Variants in HS3ST5 observed in about 807,000 individuals in gnomAD.
The protein encoded by HS3ST5 is heparan sulfate glucosamine 3-O-sulfotransferase 5.
HS3ST5 carries 10 observed loss-of-function variants against 25.4 expected under a neutral mutation model. That is an observed-to-expected ratio of 0.39 (90% confidence interval 0.24 to 0.67). The LOEUF is 0.67. Ranked by LOEUF, HS3ST5 falls within the 30% of genes least tolerant of loss-of-function variation. The pLI is 0.44. For missense variants in HS3ST5, 324 were observed against 420.7 expected (o/e 0.77, Z 2.01); for synonymous variants, 170 against 162.4 (o/e 1.05, Z -0.36).
intron 1 of HS3ST5, among the ~76,000 whole-genome samples, chr6:114,292,942 T>G (rs1167513716): frequency 6.6e-6 from 1 of 152,180 alleles, no homozygotes; most frequent in African/African-American, 2.4e-5. Flanking sequence ...TTTTTGTTTT[T>G]TTTTTTCCCA....
chr6:114,286,046 A>G (rs895907456), intron 1 of HS3ST5, among the ~76,000 whole-genome samples: 1 of 151,986 alleles, frequency 6.6e-6, no homozygotes, highest in Admixed American at 6.6e-5. Context: ...GTCTAATGCC[A>G]TAATCTCTAG....
intron 3 of HS3ST5, among the ~76,000 whole-genome samples, chr6:114,159,656 T>C (rs961826476): frequency 2.0e-4 from 30 of 152,154 alleles, no homozygotes; most frequent in East Asian, 1.9e-4. Context: ...CTTGTGAAAA[T>C]CCAGTGAGCT....
chr6:114,090,810 C>G (rs527481392), intron 3 of HS3ST5, among the ~76,000 whole-genome samples: 4 of 152,308 alleles, frequency 2.6e-5, no homozygotes, highest in Middle Eastern at 3.4e-3. Flanking sequence ...ATGAAGTTAT[C>G]TTGCTAATTA....
At chr6:114,330,871 T>C (rs1387057809) in intron 1 of HS3ST5, among the ~76,000 whole-genome samples, 1 of 152,124 alleles carries the variant, frequency 6.6e-6, no homozygotes, top group Admixed American at 6.5e-5. Flanking sequence ...GAAGGGGTCT[T>C]CCCAAACAGT....
At chr6:114,339,193 C>G (rs542953173) in intron 1 of HS3ST5, among the ~76,000 whole-genome samples, 4 of 152,224 alleles carry the variant, frequency 2.6e-5, no homozygotes, top group African/African-American at 9.6e-5. Context: ...TTTCAATGTT[C>G]AAACACAACT....
intron 3 of HS3ST5, among the ~76,000 whole-genome samples, chr6:114,076,563 A>G (rs1018947218): frequency 9.2e-5 from 14 of 152,252 alleles, no homozygotes; most frequent in African/African-American, 3.1e-4. Context: ...CTTAGAAAAG[A>G]TACCGATCTT....
chr6:114,306,923 T>G (rs1775321332), intron 1 of HS3ST5, among the ~76,000 whole-genome samples: 1 of 152,220 alleles, frequency 6.6e-6, no homozygotes, highest in Admixed American at 6.5e-5. Flanking sequence ...TTTCAACATC[T>G]ATTTCTCCTG....
At chr6:114,229,523 G>T (rs1205439229) in intron 1 of HS3ST5, among the ~76,000 whole-genome samples, 3 of 152,032 alleles carry the variant, frequency 2.0e-5, no homozygotes, top group African/African-American at 4.8e-5. Flanking sequence ...CTCAGAGAAG[G>T]TTCTATTGCT....
chr6:114,315,810 T>G (rs1775723570), intron 1 of HS3ST5, among the ~76,000 whole-genome samples: 1 of 152,212 alleles, frequency 6.6e-6, no homozygotes, highest in South Asian at 2.1e-4. Flanking sequence ...ATTTTTTTTC[T>G]TATCTGCACT....
Position 114,333,402 on chromosome 6 carries a change from G to A in HS3ST5, c.-339+8793C>T, listed in dbSNP as rs566759818. ...GAGGTAACCTTAAAAAAGTAATGGT[G>A]TATAAAAATTTTCAAGCACTTGATC... On this transcript the variant is annotated intron_variant, in intron 1 of 4. Transcript: ENST00000312719. Among the ~76,000 whole-genome samples the A allele has an allele frequency of 1.3e-4, 20 of 152,230 alleles. No individual in the cohort carries two copies. In the South Asian group the frequency reaches 4.1e-3, roughly 32 times the overall value.
intron 1 of HS3ST5, among the ~76,000 whole-genome samples, chr6:114,308,683 T>C (rs560540542): frequency 6.6e-6 from 1 of 152,262 alleles, no homozygotes; most frequent in East Asian, 1.9e-4. Flanking sequence ...GACATAGACC[T>C]GTAGCTCATG....
rs1773337383 is a variant in HS3ST5, at chr6:114,064,570, C to T, written c.-32-1693G>A. 2.6e-5 allele frequency among the ~76,000 whole-genome samples: 4 copies of T among 152,266 alleles called. No homozygotes were observed. In the South Asian group the frequency reaches 8.3e-4, roughly 32 times the overall value. On this transcript the variant is annotated intron_variant, in intron 3 of 4. Transcript: ENST00000312719. Reference sequence around the variant, plus strand: ...AGGGAGAGATAAGACCAGCAGTCATCCAACACACAGTTGACAAATACTTAT... The same window carrying T: ...AGGGAGAGATAAGACCAGCAGTCATTCAACACACAGTTGACAAATACTTAT...
chr6:114,210,399 G>A (rs1781460509), intron 2 of HS3ST5, among the ~76,000 whole-genome samples: 1 of 152,064 alleles, frequency 6.6e-6, no homozygotes, highest in South Asian at 2.1e-4. Flanking sequence ...CAGCTGCTCT[G>A]GTTTCTGAAA....
intron 2 of HS3ST5, among the ~76,000 whole-genome samples, chr6:114,194,642 G>T (rs1453117699): frequency 6.6e-6 from 1 of 152,166 alleles, no homozygotes; most frequent in Non-Finnish European, 1.5e-5. Flanking sequence ...CACAGTGAGG[G>T]TTTTCGTGTC....
chr6:114,213,147 G>A (rs1781585419), intron 2 of HS3ST5, among the ~76,000 whole-genome samples: 1 of 151,948 alleles, frequency 6.6e-6, no homozygotes, highest in Non-Finnish European at 1.5e-5. Context: ...CCTGGAGTTC[G>A]GCCATCCCTG....
rs1344424420 is a variant in HS3ST5 at position 114,290,440 on chromosome 6, T to G, written c.-339+51755A>C. ...GGTACAGACACTAACTAAAGTCCCA[T>G]CCTGAAATTTTGTCTATAAATTATG... On this transcript the variant is annotated intron_variant, in intron 1 of 4. Coordinates refer to ENST00000312719, the MANE Select transcript of HS3ST5 (RefSeq NM_153612.4). Among the ~76,000 whole-genome samples the G allele has an allele frequency of 2.0e-5, 3 of 152,118 alleles. No individual in the cohort carries two copies. In the South Asian group the frequency reaches 6.2e-4, roughly 32 times the overall value.
At chr6:114,117,736 A>G (rs1278423259) in intron 3 of HS3ST5, among the ~76,000 whole-genome samples, 1 of 152,166 alleles carries the variant, frequency 6.6e-6, no homozygotes, top group Non-Finnish European at 1.5e-5. Context: ...CAGTGCATCA[A>G]GCAGGCCAGA....
At chr6:114,228,171 G>A (rs1771397021) in intron 2 of HS3ST5, among the ~76,000 whole-genome samples, 1 of 152,132 alleles carries the variant, frequency 6.6e-6, no homozygotes, top group African/African-American at 2.4e-5. Context: ...GTGGGTAAAT[G>A]TAAAAATACA....
intron 1 of HS3ST5, among the ~76,000 whole-genome samples, chr6:114,241,239 T>G (rs1772111915): frequency 1.3e-5 from 2 of 151,710 alleles, no homozygotes; most frequent in Non-Finnish European, 2.9e-5. Context: ...TTAGTAAAAT[T>G]ACCCTCTTTG....
Sources: gnomAD v4.1 joint callset for allele counts (sites outside exome capture counted in the v4.1 genomes callset) on GRCh38, gnomAD v4.1.1 for gene constraint, MANE v1.5 for transcripts, NCBI Gene and HGNC (gene_info 2026-07-23, HGNC 2026-07-21) for gene names.